Variants in TTC34 observed in about 807,000 individuals in gnomAD.
TTC34 encodes the protein tetratricopeptide repeat domain 34.
In TTC34, 44 loss-of-function variants were observed where a neutral mutation model predicts 40.7. The ratio of observed to expected loss-of-function variants is 1.08; its 90% CI spans 0.85 to 1.39. The LOEUF is 1.39. TTC34 is among the 40% of genes most tolerant of loss of function. TTC34 has a pLI of 0.00. For missense variants in TTC34, 884 were observed against 838.0 expected (o/e 1.05, Z -0.68); for synonymous variants, 422 against 398.6 (o/e 1.06, Z -0.70).
At chr1:2,751,076 A>C (rs1217015709) in intron 6 of TTC34, among the ~76,000 whole-genome samples, 1 of 98,744 alleles carries the variant, frequency 1.0e-5, no homozygotes, top group Non-Finnish European at 1.9e-5. Context: ...AGACTGGAAC[A>C]CCTCCCACAT....
chr1:2,700,051 A>ACG (rs1641059024), intron 6 of TTC34, among the ~76,000 whole-genome samples: 1 of 121,896 alleles, frequency 8.2e-6, no homozygotes, highest in Non-Finnish European at 1.9e-5. Context: ...CAGCGCCCAC[A>ACG]CCCAGAGGTG....
At chr1:2,752,928 C>A (rs1210329514) in intron 6 of TTC34, among the ~76,000 whole-genome samples, 7 of 146,680 alleles carry the variant, frequency 4.8e-5, no homozygotes, top group Non-Finnish European at 7.5e-5. Flanking sequence ...TGAAACAGCT[C>A]CCACAACCCC....
intron 2 of TTC34, among the ~76,000 whole-genome samples, chr1:2,794,344 A>G (rs182262945): frequency 1.3e-5 from 2 of 152,284 alleles, no homozygotes; most frequent in African/African-American, 4.8e-5. Flanking sequence ...AAAGTTTTAT[A>G]CTTTTTCCAT....
At chr1:2,686,025 G>C (rs1464629238) in intron 6 of TTC34, among the ~76,000 whole-genome samples, 1 of 132,304 alleles carries the variant, frequency 7.6e-6, no homozygotes, top group Non-Finnish European at 1.6e-5. Context: ...TGACAGCCTG[G>C]AACAGCACCC....
rs1042684880 is a variant in TTC34, at chr1:2,790,140, G to C, written c.991C>G (p.Arg331Gly). ...TGGTTCCGCACGGCTTCCTGGAAGCGGGCGAAGCCCACGTCCGCGGCCTCC... is the reference window on the plus strand; with the variant it reads ...TGGTTCCGCACGGCTTCCTGGAAGCCGGCGAAGCCCACGTCCGCGGCCTCC... The change falls in exon 3 of 9, where the codon CGC becomes GGC. Residue 331 changes from arginine to glycine, a missense_variant. By Grantham distance (125) the Arg-to-Gly change is moderately radical (BLOSUM62 -2). Coordinates refer to ENST00000401095, the Ensembl canonical transcript of TTC34. 3 of 398,344 alleles carry C rather than the reference G, an allele frequency of 7.5e-6. No homozygotes were observed. The East Asian group carries it at 1.1e-4, about 14-fold the overall frequency. 24.7% of individuals were successfully genotyped at this position (398,344 alleles called of 1,614,324 possible). A position where few individuals can be genotyped will look rare whatever the true frequency, so the allele number is the denominator to read the frequency against.
intron 6 of TTC34, among the ~76,000 whole-genome samples, chr1:2,683,439 G>T (rs1315085845): frequency 9.3e-6 from 1 of 107,146 alleles, no homozygotes; most frequent in Non-Finnish European, 1.9e-5. Context: ...TCACCCCCAG[G>T]TGAGCATCCG....
At chr1:2,759,296 G>A (rs1264762650) in intron 6 of TTC34, among the ~76,000 whole-genome samples, 633 of 32,174 alleles carry the variant, frequency 0.02, 5 homozygotes, top group Middle Eastern at 0.094. Flanking sequence ...AGCATCTGAC[G>A]TCCTGGAACA....
At position 2,789,855 on chromosome 1, in the gene TTC34, GCGCGCAGAAGC is replaced by G. The variant is rs1553171243; in HGVS notation, c.1265_1275del (p.Gly422AlafsTer146). Reference sequence around the variant, plus strand: ...GCGCGCCGCGAGTCCCCGGCGTGCAGCGCGCAGAAGCCGCGCAGAGCCAGGAGAGGTGCGCG... The same window carrying G: ...GCGCGCCGCGAGTCCCCGGCGTGCAGCGCGCAGAGCCAGGAGAGGTGCGCG... On this transcript the variant is annotated frameshift_variant, in exon 3 of 9. Transcript: ENST00000401095. LOFTEE classifies it high-confidence loss of function. 3 of 427,350 alleles carry G rather than the reference GCGCGCAGAAGC, an allele frequency of 7.0e-6. No individual in the cohort carries two copies. The highest frequency in any genetic ancestry group is 6.2e-5 in the African/African-American group (3 of 48,676). The allele number at this position is 427,350 out of a possible 1,614,324, so 26.5% of individuals were successfully genotyped here.
At chr1:2,784,778 C>T (rs1643552164) in intron 5 of TTC34, among the ~76,000 whole-genome samples, 1 of 152,202 alleles carries the variant, frequency 6.6e-6, no homozygotes, top group Admixed American at 6.5e-5. Flanking sequence ...ATCTCTATAT[C>T]TAATTTGTAT....
At chr1:2,758,727 G>GCAGCTGACAGCCTGGAACAT (rs1641593295) in intron 6 of TTC34, among the ~76,000 whole-genome samples, 1 of 70,596 alleles carries the variant, frequency 1.4e-5, no homozygotes, top group Non-Finnish European at 2.8e-5. Context: ...CCCCAGGCGA[G>GCAGCTGACAGCCTGGAACAT]CATCTGACAG....
intron 6 of TTC34, among the ~76,000 whole-genome samples, chr1:2,695,245 C>T (rs377070742): frequency 5.0e-4 from 25 of 50,226 alleles, no homozygotes; most frequent in South Asian, 2.3e-3. Flanking sequence ...CCCCCAGGTG[C>T]GCACCTGACA....
chr1:2,793,281 A>G (rs1162035559), intron 2 of TTC34, among the ~76,000 whole-genome samples: 1 of 152,140 alleles, frequency 6.6e-6, no homozygotes, highest in Non-Finnish European at 1.5e-5. Context: ...CACATGTTTT[A>G]TTAGCCATCT....
At chr1:2,681,856 A>C (rs1191761589) in intron 6 of TTC34, among the ~76,000 whole-genome samples, 165 of 63,800 alleles carry the variant, frequency 2.6e-3, no homozygotes, top group Middle Eastern at 0.013. Context: ...CCTGGAACAG[A>C]ACCCACACGC....
chr1:2,686,316 C>A (rs571785249), intron 6 of TTC34, among the ~76,000 whole-genome samples: 3 of 151,958 alleles, frequency 2.0e-5, no homozygotes, highest in Non-Finnish European at 4.4e-5. Flanking sequence ...GAGCAGCACC[C>A]ACACCTCCAG....
At chr1:2,750,770 C>A (rs1422007897) in intron 6 of TTC34, among the ~76,000 whole-genome samples, 1,650 of 111,158 alleles carry the variant, frequency 0.015, 268 homozygotes, top group Admixed American at 0.023. Flanking sequence ...CGCATAAACA[C>A]AGGTGAACAT....
intron 6 of TTC34, among the ~76,000 whole-genome samples, chr1:2,675,436 CCACACCCACAG>C (rs1639871377): frequency 8.4e-6 from 1 of 118,680 alleles, no homozygotes; most frequent in Non-Finnish European, 1.9e-5. Flanking sequence ...GGAACAGCAC[CCACACCCACAG>C]GTGAGCATCT....
intron 6 of TTC34, among the ~76,000 whole-genome samples, chr1:2,674,992 C>G (rs1639845413): frequency 7.4e-6 from 1 of 135,664 alleles, no homozygotes; most frequent in Non-Finnish European, 1.6e-5. Context: ...CCTGGAGCAG[C>G]ACCCACACAC....
rs1269100226 is a variant in TTC34 at position 2,750,402 on chromosome 1, C to A, written c.2226+33207G>T. 7.2e-5 allele frequency among the ~76,000 whole-genome samples: 8 copies of A among 110,662 alleles called. 3 individuals carry two copies. The highest frequency in any genetic ancestry group is 3.3e-4 in the African/African-American group (8 of 24,136). 72.6% of individuals were successfully genotyped at this position (110,662 alleles called of 152,430 possible). A position where few individuals can be genotyped will look rare whatever the true frequency, so the allele number is the denominator to read the frequency against. On this transcript the variant is annotated intron_variant, in intron 6 of 8. Transcript: ENST00000401095. Reference sequence around the variant, plus strand: ...ATCTGACAGCCTGGAACAGCACGCACACCCCCAGGTGCGCACGTGACAGCC... The same window carrying A: ...ATCTGACAGCCTGGAACAGCACGCAAACCCCCAGGTGCGCACGTGACAGCC...
chr1:2,654,159 A>C (rs1208280983), intron 6 of TTC34, among the ~76,000 whole-genome samples: 1 of 152,112 alleles, frequency 6.6e-6, no homozygotes, highest in African/African-American at 2.4e-5. Context: ...CGCACGGAGC[A>C]GCACCCACAC....
Sources: allele counts gnomAD v4.1 joint callset (sites outside exome capture counted in the v4.1 genomes callset), GRCh38; gene constraint gnomAD v4.1.1; transcripts MANE v1.5; gene names NCBI Gene and HGNC (gene_info 2026-07-23, HGNC 2026-07-21).